The following SMYD3 variants were observed in gnomAD, a reference collection of about 807,000 sequenced individuals.
The protein encoded by SMYD3 is histone-lysine N-methyltransferase SMYD3.
SMYD3 carries 36 observed loss-of-function variants against 57.7 expected under a neutral mutation model. The observed-to-expected ratio is 0.62, with a 90% CI of 0.48 to 0.82. The LOEUF (loss-of-function observed/expected upper bound fraction) is 0.82. Among genes scored for constraint, SMYD3 ranks in the 40% least tolerant of loss-of-function variants. SMYD3 has a pLI of 0.00. For synonymous variants in SMYD3, 211 were observed against 195.0 expected (o/e 1.08, Z -0.68); for missense variants, 515 against 538.8 (o/e 0.96, Z 0.44).
At position 245,985,080 on chromosome 1, in the gene SMYD3, G is replaced by A. The variant is rs185224792; in HGVS notation, c.532-55143C>T. The stretch of plus-strand genomic sequence containing the variant: ...ACCACACAGCATTCCCTCCTCCCTT[G>A]GATTTTATAACCTCTCCCTATCCTG... On this transcript the variant is annotated intron_variant, in intron 5 of 11. Coordinates refer to ENST00000490107, the MANE Select transcript of SMYD3 (RefSeq NM_001167740.2). Among the ~76,000 whole-genome samples the A allele has an allele frequency of 6.3e-3, 959 of 151,996 alleles. 4 individuals are homozygous for A. Among genetic ancestry groups the A allele is most frequent in the Middle Eastern group, 0.014 (4 of 294 alleles).
At chr1:246,432,003 C>A (rs2067302466) in intron 1 of SMYD3, among the ~76,000 whole-genome samples, 4 of 152,164 alleles carry the variant, frequency 2.6e-5, no homozygotes, top group Admixed American at 2.6e-4. Context: ...AGTATATAGT[C>A]TGGCAACTCA....
intron 5 of SMYD3, among the ~76,000 whole-genome samples, chr1:245,996,451 T>C (rs1416215797): frequency 6.6e-6 from 1 of 152,208 alleles, no homozygotes; most frequent in Non-Finnish European, 1.5e-5. Context: ...ATGATACAGG[T>C]GTTATTTTAA....
At chr1:245,936,230 A>G (rs1481275770) in intron 5 of SMYD3, among the ~76,000 whole-genome samples, 2 of 152,236 alleles carry the variant, frequency 1.3e-5, no homozygotes, top group Non-Finnish European at 2.9e-5. Context: ...ACATAAAATG[A>G]TAATTCTATA....
chr1:246,451,360 A>G (rs560918505), intron 1 of SMYD3, among the ~76,000 whole-genome samples: 1 of 152,368 alleles, frequency 6.6e-6, no homozygotes, highest in South Asian at 2.1e-4. Flanking sequence ...TTAAGTGAAT[A>G]TTACTAAGCG....
intron 10 of SMYD3, among the ~76,000 whole-genome samples, chr1:245,780,291 A>G (rs146476266): frequency 0.018 from 2,702 of 152,368 alleles, 32 homozygotes; most frequent in South Asian, 0.032. Flanking sequence ...CTATCATTTT[A>G]TAAATAAACA....
At chr1:246,201,480 A>C (rs1295404895) in intron 5 of SMYD3, among the ~76,000 whole-genome samples, 1 of 152,242 alleles carries the variant, frequency 6.6e-6, no homozygotes, top group African/African-American at 2.4e-5. Context: ...TGCATTTTAT[A>C]TGAAATATTT....
At chr1:246,057,585 C>T (rs1016500172) in intron 5 of SMYD3, among the ~76,000 whole-genome samples, 1 of 152,136 alleles carries the variant, frequency 6.6e-6, no homozygotes, top group African/African-American at 2.4e-5. Context: ...TGGCCAAATC[C>T]GGAACACTGA....
intron 5 of SMYD3, among the ~76,000 whole-genome samples, chr1:245,987,931 G>T (rs773064746): frequency 2.0e-5 from 3 of 152,164 alleles, no homozygotes; most frequent in Admixed American, 6.5e-5. Flanking sequence ...AGTTTCTACG[G>T]TCCCACTCAC....
chr1:246,002,547 T>C (rs1248504578), intron 5 of SMYD3, among the ~76,000 whole-genome samples: 1 of 115,172 alleles, frequency 8.7e-6, no homozygotes, highest in African/African-American at 3.1e-5. Context: ...CTCGATCTCC[T>C]GACCTCGTGA....
chr1:245,984,835 G>C (rs138258525), intron 5 of SMYD3, among the ~76,000 whole-genome samples: 1 of 152,272 alleles, frequency 6.6e-6, no homozygotes, highest in East Asian at 1.9e-4. Context: ...TGGGAATGTA[G>C]TGTATTTCTC....
chr1:246,139,386 C>T (rs2061715541), intron 5 of SMYD3, among the ~76,000 whole-genome samples: 1 of 152,178 alleles, frequency 6.6e-6, no homozygotes, highest in Non-Finnish European at 1.5e-5. Context: ...CTAATCCAAT[C>T]ATATTGTCTA....
intron 10 of SMYD3, among the ~76,000 whole-genome samples, chr1:245,834,464 C>T (rs553502956): frequency 8.5e-5 from 13 of 152,160 alleles, no homozygotes; most frequent in Non-Finnish European, 1.8e-4. Flanking sequence ...TGGGCTCACC[C>T]CAGCCCCCTA....
At chr1:245,812,046 A>C (rs1419246543) in intron 10 of SMYD3, among the ~76,000 whole-genome samples, 2 of 152,150 alleles carry the variant, frequency 1.3e-5, no homozygotes, top group African/African-American at 4.8e-5. Context: ...GGGATATGGA[A>C]TGTCATTCTG....
chr1:245,865,441 C>T (rs1191994970), intron 8 of SMYD3, among the ~76,000 whole-genome samples: 1 of 152,176 alleles, frequency 6.6e-6, no homozygotes, highest in African/African-American at 2.4e-5. Context: ...ACATCTTTCT[C>T]CCTAATATAT....
At chr1:245,859,672 AGGACTG>A (rs2051432602) in intron 9 of SMYD3, among the ~76,000 whole-genome samples, 1 of 152,210 alleles carries the variant, frequency 6.6e-6, no homozygotes, top group Non-Finnish European at 1.5e-5. Flanking sequence ...AGGAGGGTGC[AGGACTG>A]GGACTGGTCC....
chr1:245,946,441 G>A (rs1265680668), intron 5 of SMYD3, among the ~76,000 whole-genome samples: 2 of 152,086 alleles, frequency 1.3e-5, no homozygotes, highest in Non-Finnish European at 2.9e-5. Flanking sequence ...ACGTTCCCAC[G>A]CCACTCACGC....
intron 8 of SMYD3, among the ~76,000 whole-genome samples, chr1:245,906,373 A>G (rs1359600525): frequency 6.6e-6 from 1 of 152,198 alleles, no homozygotes; most frequent in Non-Finnish European, 1.5e-5. Flanking sequence ...AGACATACAC[A>G]TGGCATACAG....
intron 5 of SMYD3, among the ~76,000 whole-genome samples, chr1:246,149,332 C>T (rs2148148338): frequency 6.6e-6 from 1 of 152,238 alleles, no homozygotes; most frequent in South Asian, 2.1e-4. Flanking sequence ...GATTCCTGTC[C>T]CCATCACTGG....
chr1:246,459,033 G>A (rs943995522), intron 1 of SMYD3, among the ~76,000 whole-genome samples: 5 of 152,074 alleles, frequency 3.3e-5, no homozygotes, highest in African/African-American at 1.2e-4. Flanking sequence ...TGTAATCCCC[G>A]TGTGTTGAAG....
Sources: allele counts gnomAD v4.1 joint callset (sites outside exome capture counted in the v4.1 genomes callset), GRCh38; gene constraint gnomAD v4.1.1; transcripts MANE v1.5; gene names NCBI Gene and HGNC (gene_info 2026-07-23, HGNC 2026-07-21).